ENTPD5: variants seen among roughly 807,000 people sequenced by gnomAD.
ENTPD5 encodes the protein ectonucleoside triphosphate diphosphohydrolase 5 (inactive).
A neutral mutation model predicts 60.2 loss-of-function variants in ENTPD5; 49 were observed. The ratio of observed to expected loss-of-function variants is 0.81; its 90% CI spans 0.65 to 1.03. The LOEUF is 1.03. Ranked by LOEUF, ENTPD5 falls within the 50% of genes least tolerant of loss-of-function variation. The probability of loss-of-function intolerance (pLI) is 0.00; values close to 1 mark genes in which losing one functional copy is unlikely to be tolerated. For missense variants in ENTPD5, 480 were observed against 507.6 expected, an observed-to-expected ratio of 0.95 and a Z score of 0.52; for synonymous variants, 187 against 185.4, an observed-to-expected ratio of 1.01 and a Z score of -0.07.
intron 6 of ENTPD5, among the ~76,000 whole-genome samples, chr14:73,982,649 C>T (rs541262590): frequency 3.3e-5 from 5 of 151,632 alleles, no homozygotes; most frequent in East Asian, 2.0e-4. Flanking sequence ...CCAGCTACTC[C>T]GGAGGCTGAG....
chr14:73,995,987 G>C (rs9323594), intron 3 of ENTPD5: 129,655 of 183,322 alleles, frequency 0.71, 46,390 homozygotes, highest in South Asian at 0.78. Flanking sequence ...ACCTGGAGTA[G>C]ACATGAATCC....
At chr14:73,970,689 A>G (rs1279862308) in intron 14 of ENTPD5, among the ~76,000 whole-genome samples, 1 of 152,116 alleles carries the variant, frequency 6.6e-6, no homozygotes, top group Non-Finnish European at 1.5e-5. Flanking sequence ...TCTATGACCT[A>G]TTGTGGGGGC....
chr14:73,969,196 T>C (rs918989902), intron 15 of ENTPD5, among the ~76,000 whole-genome samples: 10 of 152,196 alleles, frequency 6.6e-5, no homozygotes, highest in African/African-American at 2.2e-4. Context: ...CCTTTTGTCT[T>C]TGTGCTCCCA....
chr14:73,984,442 T>A (rs567047441), intron 5 of ENTPD5, among the ~76,000 whole-genome samples: 1 of 152,350 alleles, frequency 6.6e-6, no homozygotes, highest in South Asian at 2.1e-4. Context: ...ATACTTTTGA[T>A]GATCTCCTAA....
Position 73,971,915 on chromosome 14 carries a change from T to C in ENTPD5, c.1028-7A>G. ...ATACCCCCCTTTTCATAATCTGAAA[T>C]AAAACAGAAGATTATCTGATATCAA... On this transcript the variant is annotated splice_polypyrimidine_tract_variant and splice_region_variant and intron_variant, in intron 13 of 15. Transcript: ENST00000334696. 1 of 1,546,958 alleles carries C rather than the reference T, an allele frequency of 6.5e-7. No homozygotes were observed. The highest frequency in any genetic ancestry group is 2.2e-5 in the East Asian group (1 of 44,580).
intron 6 of ENTPD5, among the ~76,000 whole-genome samples, chr14:73,980,350 C>T (rs888271915): frequency 2.0e-5 from 3 of 151,458 alleles, no homozygotes; most frequent in South Asian, 2.1e-4. Flanking sequence ...CTGCAAGCTC[C>T]GCCTCCCAAG....
chr14:73,987,110 T>C (rs1156997404), intron 4 of ENTPD5: 4 of 703,112 alleles, frequency 5.7e-6, no homozygotes, highest in Middle Eastern at 2.3e-4. Context: ...GGTGGACACC[T>C]AACTCCTCCA....
In ENTPD5 at chr14:73,988,019, A is replaced by G. The variant is rs1425929034; in HGVS notation, c.84T>C (p.Thr28=). The change falls in exon 4 of 16, where the codon ACT becomes ACC. Residue 28 remains threonine, a synonymous_variant. Coordinates refer to ENST00000334696, the MANE Select transcript of ENTPD5 (RefSeq NM_001249.5). ...CSAVSHRNQQ[T]WFEGIFLSSM... ...AAGACAGGAAGATACCCTCAAACCA[A>G]GTCTGCTGGTTCCTGTGGGAGACAG... 1.2e-6 allele frequency: 2 copies of G among 1,614,180 alleles called. No homozygotes were observed. The highest frequency in any genetic ancestry group is 4.5e-5 in the East Asian group (2 of 44,884).
chr14:73,958,814 G>A (rs1247724087), downstream of ENTPD5: 2 of 1,526,642 alleles, frequency 1.3e-6, no homozygotes, highest in Non-Finnish European at 1.8e-6. Context: ...GACAGTGCAG[G>A]GGCTCCACCT....
intron 1 of ENTPD5, among the ~76,000 whole-genome samples, chr14:74,017,217 C>T (rs1222077510): frequency 6.6e-6 from 1 of 152,054 alleles, no homozygotes; most frequent in African/African-American, 2.4e-5. Context: ...ACTCGGGAGG[C>T]TGAGGCAGGA....
intron 3 of ENTPD5, among the ~76,000 whole-genome samples, chr14:74,010,804 C>T (rs8012398): frequency 0.015 from 2,310 of 152,262 alleles, 59 homozygotes; most frequent in African/African-American, 0.051. Context: ...CTGATCAGTA[C>T]TGTCATGTGC....
intron 6 of ENTPD5, among the ~76,000 whole-genome samples, chr14:73,980,373 T>G (rs1421057247): frequency 6.6e-6 from 1 of 151,460 alleles, no homozygotes; most frequent in Non-Finnish European, 1.5e-5. Context: ...CAAGCAATTC[T>G]CCTGCCTTAG....
chr14:73,970,425 G>A (rs923246167), intron 14 of ENTPD5, among the ~76,000 whole-genome samples: 2 of 151,750 alleles, frequency 1.3e-5, no homozygotes, highest in African/African-American at 4.8e-5. Context: ...CTGGAAGGCA[G>A]AGGTTGCAGT....
At chr14:74,011,825 T>C (rs545747967) in intron 2 of ENTPD5, among the ~76,000 whole-genome samples, 1 of 152,234 alleles carries the variant, frequency 6.6e-6, no homozygotes, top group Non-Finnish European at 1.5e-5. Flanking sequence ...TACTTACTAT[T>C]ACATGCACGA....
chr14:73,980,460 C>T (rs1210757770), intron 6 of ENTPD5, among the ~76,000 whole-genome samples: 1 of 151,940 alleles, frequency 6.6e-6, no homozygotes, highest in African/African-American at 2.4e-5. Context: ...GACGGGGTTT[C>T]ACCATGTTGG....
At chr14:74,001,812 C>G (rs1417721220) in intron 3 of ENTPD5, among the ~76,000 whole-genome samples, 1 of 151,814 alleles carries the variant, frequency 6.6e-6, no homozygotes, top group East Asian at 1.9e-4. Context: ...TGCACGGCAC[C>G]ACTGTACTCC....
At chr14:73,969,911 A>G in intron 15 of ENTPD5, 99 bp downstream of exon 15, 2 of 851,634 alleles carry the variant, frequency 2.3e-6, no homozygotes, top group Non-Finnish European at 3.9e-6. Flanking sequence ...ATACCTCATA[A>G]TTTCACTTCT....
chr14:73,993,950 G>T (rs1265908290), intron 3 of ENTPD5, among the ~76,000 whole-genome samples: 1 of 150,862 alleles, frequency 6.6e-6, no homozygotes, highest in Non-Finnish European at 1.5e-5. Flanking sequence ...AAAAAACCCT[G>T]CAGAGTCATA....
At chr14:73,981,233 G>C (rs1220006001) in intron 6 of ENTPD5, among the ~76,000 whole-genome samples, 3 of 151,990 alleles carry the variant, frequency 2.0e-5, no homozygotes, top group Admixed American at 6.6e-5. Flanking sequence ...GGGTGCAGTG[G>C]CTCACGTCTG....
Sources: gnomAD v4.1 joint callset for allele counts (sites outside exome capture counted in the v4.1 genomes callset) on GRCh38, gnomAD v4.1.1 for gene constraint, MANE v1.5 for transcripts, NCBI Gene and HGNC (gene_info 2026-07-23, HGNC 2026-07-21) for gene names.